The following FBXL13 variants were observed in gnomAD, a reference collection of about 807,000 sequenced individuals.
The protein encoded by FBXL13 is F-box and leucine rich repeat protein 13, also known as F-box and leucine-rich repeat protein 13.
Under a neutral mutation model 83.6 loss-of-function variants are expected in FBXL13, and 67 were observed. That is an observed-to-expected ratio of 0.80 (90% CI 0.66 to 0.98). The LOEUF (loss-of-function observed/expected upper bound fraction) is 0.98. Among genes scored for constraint, FBXL13 ranks in the 50% least tolerant of loss-of-function variants. The pLI, the probability that FBXL13 is intolerant of heterozygous loss-of-function variation, is 0.00. For synonymous variants in FBXL13, 272 were observed against 299.5 expected, an observed-to-expected ratio of 0.91 and a Z score of 0.95; for missense variants, 822 against 866.5, an observed-to-expected ratio of 0.95 and a Z score of 0.64.
chr7:103,015,865 G>A (rs529030441), intron 6 of FBXL13, among the ~76,000 whole-genome samples: 1 of 150,334 alleles, frequency 6.7e-6, no homozygotes, highest in South Asian at 2.1e-4. Flanking sequence ...TACACACTGT[G>A]AGCCAAATTA....
intron 16 of FBXL13, among the ~76,000 whole-genome samples, chr7:102,870,630 T>C (rs938529598): frequency 1.3e-5 from 2 of 152,138 alleles, no homozygotes; most frequent in East Asian, 3.8e-4. Context: ...AGGAAGGGAT[T>C]TGGCTTGTTT....
chr7:102,989,669 AG>A, intron 6 of FBXL13, among the ~76,000 whole-genome samples: 3 of 152,356 alleles, frequency 2.0e-5, no homozygotes, highest in Admixed American at 2.0e-4. Flanking sequence ...TATCTGATTC[AG>A]GGATGAAAGA....
chr7:102,934,463 C>T (rs141116001), intron 8 of FBXL13: 29 of 1,613,906 alleles, frequency 1.8e-5, no homozygotes, highest in Admixed American at 5.0e-5. Flanking sequence ...TCCCAGGAAC[C>T]GGAATTTGGG....
At chr7:103,044,570 A>C (rs1182550623) in intron 2 of FBXL13, among the ~76,000 whole-genome samples, 1 of 152,232 alleles carries the variant, frequency 6.6e-6, no homozygotes, top group African/African-American at 2.4e-5. Flanking sequence ...GCAAAAATGG[A>C]GGAAGAGAGA....
At chr7:102,851,540 C>T (rs917623973) in intron 17 of FBXL13, among the ~76,000 whole-genome samples, 3 of 137,270 alleles carry the variant, frequency 2.2e-5, no homozygotes, top group Non-Finnish European at 4.6e-5. Context: ...CCTCCTCTTC[C>T]TTTTCCTTCT....
chr7:102,831,431 A>ACCCC (rs56834945), intron 18 of FBXL13, among the ~76,000 whole-genome samples: 8 of 147,126 alleles, frequency 5.4e-5, no homozygotes, highest in African/African-American at 2.0e-4. Context: ...ACACACACAC[A>ACCCC]CCCCACTACA....
chr7:102,925,758 A>G (rs1489541383), intron 10 of FBXL13, among the ~76,000 whole-genome samples: 1 of 152,120 alleles, frequency 6.6e-6, no homozygotes, highest in African/African-American at 2.4e-5. Flanking sequence ...CCTGACCAAC[A>G]TGGAGAAACC....
At chr7:102,877,738 G>T (rs982989769) in intron 15 of FBXL13, 145 bp from the exon 17 acceptor site, 9 of 753,682 alleles carry the variant, frequency 1.2e-5, no homozygotes, top group Non-Finnish European at 1.9e-5. Context: ...ACTAAAAGTA[G>T]AAAGTAATTT....
chr7:102,867,300 G>C (rs888015756), intron 16 of FBXL13, among the ~76,000 whole-genome samples: 4 of 152,138 alleles, frequency 2.6e-5, no homozygotes, highest in African/African-American at 9.7e-5. Context: ...TGAGGCTGCA[G>C]TGAGCTATGA....
intron 11 of FBXL13, among the ~76,000 whole-genome samples, chr7:102,890,842 T>C (rs1247433737): frequency 1.3e-5 from 2 of 152,190 alleles, no homozygotes; most frequent in African/African-American, 2.4e-5. Context: ...CCATCTGAGA[T>C]AGACATGGCC....
At position 102,867,543 on chromosome 7, in the gene FBXL13, C is replaced by G. The variant is rs10282582; in HGVS notation, c.1635+9924G>C. 8.5e-3 allele frequency among the ~76,000 whole-genome samples: 1,290 copies of G among 151,194 alleles called. 26 individuals carry two copies. The highest frequency in any genetic ancestry group is 0.03 in the African/African-American group (1,229 of 41,134). On this transcript the variant is annotated intron_variant, in intron 16 of 19. Transcript: ENST00000313221. ...GCTGAGGATGAGAGGCGGGAGTCAG[C>G]TGGAAGCAGGGCTGCAGGGGTGGCC...
chr7:102,818,106 CTT>C (rs913172202), intron 19 of FBXL13, among the ~76,000 whole-genome samples: 2 of 152,180 alleles, frequency 1.3e-5, no homozygotes, highest in South Asian at 2.1e-4. Flanking sequence ...CTTCTAATCT[CTT>C]GAGTAGGCAA....
intron 16 of FBXL13, among the ~76,000 whole-genome samples, chr7:102,859,642 G>A (rs1806525845): frequency 6.6e-6 from 1 of 152,018 alleles, no homozygotes; most frequent in Non-Finnish European, 1.5e-5. Context: ...GAGGCAAGAG[G>A]TAACAGCAAG....
intron 1 of FBXL13, among the ~76,000 whole-genome samples, chr7:103,070,161 AT>A (rs1798806723): frequency 6.6e-6 from 1 of 152,188 alleles, no homozygotes; most frequent in South Asian, 2.1e-4. Flanking sequence ...AAAATAAGCA[AT>A]AGAAGCAGAC....
intron 6 of FBXL13, among the ~76,000 whole-genome samples, chr7:102,968,924 A>T (rs1483483450): frequency 6.6e-6 from 1 of 152,218 alleles, no homozygotes; most frequent in East Asian, 1.9e-4. Context: ...CAATGATGGG[A>T]TGCATGTATG....
At chr7:102,927,042 A>G (rs1260093918) in intron 9 of FBXL13, among the ~76,000 whole-genome samples, 2 of 152,230 alleles carry the variant, frequency 1.3e-5, no homozygotes, top group African/African-American at 2.4e-5. Flanking sequence ...CAGAAAGCTG[A>G]AAACTGAAGT....
intron 9 of FBXL13, among the ~76,000 whole-genome samples, chr7:102,927,301 C>T (rs532297215): frequency 2.3e-4 from 35 of 152,290 alleles, no homozygotes; most frequent in Admixed American, 7.8e-4. Context: ...ATGTTTGACG[C>T]TACATCAGTC....
chr7:102,911,589 T>C (rs1814696207), intron 11 of FBXL13, among the ~76,000 whole-genome samples: 1 of 152,204 alleles, frequency 6.6e-6, no homozygotes, highest in African/African-American at 2.4e-5. Context: ...ATCAAAGGGA[T>C]AGATCCCAGG....
At chr7:102,816,397 A>AC (rs1373972868) in intron 19 of FBXL13, 5 of 152,352 alleles carry the variant, frequency 3.3e-5, no homozygotes, top group African/African-American at 1.2e-4. Context: ...AGCTATGGAT[A>AC]CTAGTATAGA....
Sources: allele counts gnomAD v4.1 joint callset (sites outside exome capture counted in the v4.1 genomes callset), GRCh38; gene constraint gnomAD v4.1.1; transcripts MANE v1.5; gene names NCBI Gene and HGNC (gene_info 2026-07-23, HGNC 2026-07-21).